The following ING5 variants were observed in gnomAD, a reference collection of about 807,000 sequenced individuals.
ING5 encodes the protein inhibitor of growth protein 5.
In ING5, 17 loss-of-function variants were observed where a neutral mutation model predicts 37.4. That is an observed-to-expected ratio of 0.45 (90% confidence interval 0.31 to 0.68). The LOEUF (loss-of-function observed/expected upper bound fraction) is 0.68. Ranked by LOEUF, ING5 falls within the 30% of genes least tolerant of loss-of-function variation. The probability of loss-of-function intolerance (pLI) is 0.05; values close to 1 mark genes in which losing one functional copy is unlikely to be tolerated. For missense variants in ING5, 233 were observed against 311.9 expected (o/e 0.75, Z 1.91); for synonymous variants, 123 against 116.6 (o/e 1.06, Z -0.36).
In ING5 at chr2:241,709,200, C is replaced by G. The variant is rs370433702; in HGVS notation, c.110-16C>G. The G allele has an allele frequency of 2.5e-6, 4 of 1,604,648 alleles. No homozygotes were observed. Among genetic ancestry groups the G allele is most frequent in the Non-Finnish European group, 3.4e-6 (4 of 1,174,512 alleles). ...TGTCTTGTGCAGGGCTAGCTTTTCC[C>G]CCATTTCTCCATCAGATAAGAAAGC... On this transcript the variant is annotated splice_polypyrimidine_tract_variant and intron_variant, in intron 2 of 7. Transcript: ENST00000313552.
At chr2:241,723,946 G>T (rs1691499557) in intron 7 of ING5, 1 of 1,259,552 alleles carries the variant, frequency 7.9e-7, no homozygotes, top group African/African-American at 1.5e-5. Flanking sequence ...GAAGTCCGAG[G>T]CTTCAGTGAG....
intron 5 of ING5, chr2:241,719,993 T>A: frequency 1.0e-5 from 13 of 1,251,562 alleles, no homozygotes; most frequent in Non-Finnish European, 1.3e-5. Flanking sequence ...GCTGCTCCTG[T>A]CCCATTGCAA....
intron 2 of ING5, among the ~76,000 whole-genome samples, chr2:241,705,179 A>G (rs2069865234): frequency 6.6e-6 from 1 of 151,678 alleles, no homozygotes; most frequent in South Asian, 2.1e-4. Context: ...GGTTCACACC[A>G]TTCTCTTGCC....
intron 5 of ING5, among the ~76,000 whole-genome samples, chr2:241,717,500 A>T (rs1453698049): frequency 6.6e-6 from 1 of 152,128 alleles, no homozygotes; most frequent in African/African-American, 2.4e-5. Context: ...GAAGAACTTT[A>T]ACATTTTTTG....
intron 2 of ING5, among the ~76,000 whole-genome samples, chr2:241,691,889 T>G (rs934488996): frequency 2.0e-5 from 3 of 152,076 alleles, no homozygotes; most frequent in Non-Finnish European, 4.4e-5. Context: ...TTTGTAGATT[T>G]ATTTATCTCT....
chr2:241,714,883 A>G (rs1282789648), intron 5 of ING5, among the ~76,000 whole-genome samples: 1 of 152,202 alleles, frequency 6.6e-6, no homozygotes, highest in Non-Finnish European at 1.5e-5. Context: ...GGCGTGAGCC[A>G]CTGCGTCTGG....
intron 7 of ING5, 37 bp from the exon 8 acceptor site, chr2:241,724,952 T>A (rs767158919): frequency 3.1e-6 from 5 of 1,610,474 alleles, no homozygotes; most frequent in Non-Finnish European, 4.2e-6. Context: ...CTGGCGGAAA[T>A]GGCGCCCAGG....
intron 2 of ING5, among the ~76,000 whole-genome samples, chr2:241,705,043 T>G (rs866096593): frequency 6.6e-6 from 1 of 152,220 alleles, no homozygotes; most frequent in Non-Finnish European, 1.5e-5. Flanking sequence ...TTTTAAAAGT[T>G]TGGTAGTACT....
rs7577474 is a variant in ING5 at position 241,728,673 on chromosome 2, C to T, written c.*3642C>T. On this transcript the variant is annotated 3_prime_UTR_variant, in exon 8 of 8. Transcript: ENST00000313552. Reference sequence around the variant, plus strand: ...CGTGGCCTCCTGAGCAGCAGCTGACCGCCCGTCTCATGCTGGACGGGACCC... The same window carrying T: ...CGTGGCCTCCTGAGCAGCAGCTGACTGCCCGTCTCATGCTGGACGGGACCC... 0.6 allele frequency: 91,459 copies of T among 151,634 alleles called. 28,128 individuals carry two copies. Among genetic ancestry groups the T allele is most frequent in the East Asian group, 0.8 (4,105 of 5,110 alleles). The allele number at this position is 151,634 out of a possible 1,614,324, so 9.4% of individuals were successfully genotyped here. A position where few individuals can be genotyped will look rare whatever the true frequency, so the allele number is the denominator to read the frequency against.
chr2:241,698,732 A>AT (rs986091410), upstream of ING5, among the ~76,000 whole-genome samples: 16 of 151,968 alleles, frequency 1.1e-4, no homozygotes, highest in East Asian at 3.9e-4. Flanking sequence ...GTATTGTTTA[A>AT]TTTTTTTGTT....
intron 1 of ING5, among the ~76,000 whole-genome samples, chr2:241,688,467 C>T (rs893423488): frequency 6.6e-6 from 1 of 152,176 alleles, no homozygotes; most frequent in African/African-American, 2.4e-5. Flanking sequence ...TTACTCCCAG[C>T]ATTTGTGTAA....
rs1691691917 is a variant in ING5, at chr2:241,728,031, A to T, written c.*3000A>T. ...TTGCCACTTACAATAATATCACCAA[A>T]ATAATATGCATAGAGTTTTGGAAGA... On this transcript the variant is annotated 3_prime_UTR_variant, in exon 8 of 8. Coordinates refer to ENST00000313552, the MANE Select transcript of ING5 (RefSeq NM_032329.6). 1 of 152,256 alleles carries T rather than the reference A, an allele frequency of 6.6e-6. No individual in the cohort carries two copies. The highest frequency in any genetic ancestry group is 2.4e-5 in the African/African-American group (1 of 41,462). 9.4% of individuals were successfully genotyped at this position (152,256 alleles called of 1,614,324 possible).
At position 241,726,693 on chromosome 2, in the gene ING5, G is replaced by A. The variant is rs569514791; in HGVS notation, c.*1662G>A. On this transcript the variant is annotated 3_prime_UTR_variant, in exon 8 of 8. Coordinates refer to ENST00000313552, the MANE Select transcript of ING5 (RefSeq NM_032329.6). Reference sequence around the variant, plus strand: ...GGGCCTGAAGGGGCTCCCTCCAAGCGGTGCCTTCCTGCGGCTTAGAAGGGA... The same window carrying A: ...GGGCCTGAAGGGGCTCCCTCCAAGCAGTGCCTTCCTGCGGCTTAGAAGGGA... 3 of 152,324 alleles carry A rather than the reference G, an allele frequency of 2.0e-5. No homozygotes were observed. Among genetic ancestry groups the A allele is most frequent in the Non-Finnish European group, 2.9e-5 (2 of 68,116 alleles). 9.4% of individuals were successfully genotyped at this position (152,324 alleles called of 1,614,324 possible).
chr2:241,707,750 G>A (rs1228785306), intron 2 of ING5, among the ~76,000 whole-genome samples: 3 of 152,156 alleles, frequency 2.0e-5, no homozygotes, highest in African/African-American at 7.2e-5. Flanking sequence ...ATTACCAGGT[G>A]AACCTCTCTG....
chr2:241,701,940 C>T, upstream of ING5: 1 of 492,874 alleles, frequency 2.0e-6, no homozygotes, highest in Non-Finnish European at 3.1e-6. Flanking sequence ...CGTGTCCGAC[C>T]CCGCCCCCGG....
At chr2:241,701,291 G>C (rs914566026), upstream of ING5, among the ~76,000 whole-genome samples, 4 of 151,296 alleles carry the variant, frequency 2.6e-5, no homozygotes, top group Non-Finnish European at 5.9e-5. Context: ...TGCATCTTAC[G>C]GCACACCTTT....
At chr2:241,714,798 G>T (rs1179368938) in intron 5 of ING5, among the ~76,000 whole-genome samples, 4 of 151,960 alleles carry the variant, frequency 2.6e-5, no homozygotes, top group African/African-American at 9.7e-5. Flanking sequence ...GTTTCATCAT[G>T]TTGCCCAGGC....
chr2:241,702,248 G>C lies in ING5; in HGVS notation c.37+146G>C, dbSNP rs2069758273. The C allele has an allele frequency of 3.3e-5, 6 of 182,988 alleles. No homozygotes were observed. In the South Asian group the frequency reaches 1.0e-3, roughly 30 times the overall value. The allele number at this position is 182,988 out of a possible 1,614,324, so 11.3% of individuals were successfully genotyped here. A position where few individuals can be genotyped will look rare whatever the true frequency, so the allele number is the denominator to read the frequency against. Reference sequence around the variant, plus strand: ...GGGCGCGACGGGGGGCGCGCGGACGGGGCGGGGCAGGGCCGCAAGGGAGGG... The same window carrying C: ...GGGCGCGACGGGGGGCGCGCGGACGCGGCGGGGCAGGGCCGCAAGGGAGGG... On this transcript the variant is annotated intron_variant, in intron 1 of 7. Transcript: ENST00000313552.
chr2:241,712,982 C>G (rs960307646), intron 5 of ING5, among the ~76,000 whole-genome samples: 1 of 143,574 alleles, frequency 7.0e-6, no homozygotes, highest in African/African-American at 2.6e-5. Context: ...GCCTGGGCCA[C>G]AGCATGAGAC....
Sources: gnomAD v4.1 joint callset for allele counts (sites outside exome capture counted in the v4.1 genomes callset) on GRCh38, gnomAD v4.1.1 for gene constraint, MANE v1.5 for transcripts, NCBI Gene and HGNC (gene_info 2026-07-23, HGNC 2026-07-21) for gene names.